The following KCNT2 variants were observed in gnomAD, a reference collection of about 807,000 sequenced individuals.
KCNT2 encodes potassium sodium-activated channel subfamily T member 2.
A neutral mutation model predicts 153.8 loss-of-function variants in KCNT2; 67 were observed. That is an observed-to-expected ratio of 0.44 (90% CI 0.36 to 0.53). The LOEUF is 0.53. Ranked by LOEUF, KCNT2 falls within the 20% of genes least tolerant of loss-of-function variation. KCNT2 has a pLI of 0.00. For synonymous variants in KCNT2, 500 were observed against 458.8 expected, an observed-to-expected ratio of 1.09 and a Z score of -1.15; for missense variants, 975 against 1,354.8, an observed-to-expected ratio of 0.72 and a Z score of 4.40.
chr1:196,501,233 A>G lies in KCNT2; in HGVS notation c.96-8892T>C, dbSNP rs1308409493. On this transcript the variant is annotated intron_variant, in intron 1 of 27. Coordinates refer to ENST00000294725, the MANE Select transcript of KCNT2 (RefSeq NM_198503.5). The stretch of plus-strand genomic sequence containing the variant: ...CCCAAAGGGAAAGAAGTCATTTATT[A>G]TATCAAAAAGATACAAGTACTTGTA... Among the ~76,000 whole-genome samples, 5 of 152,312 alleles carry G rather than the reference A, an allele frequency of 3.3e-5. No homozygotes were observed. In the South Asian group the frequency reaches 8.3e-4, roughly 25 times the overall value.
chr1:196,539,274 T>C (rs1656018740), intron 1 of KCNT2, among the ~76,000 whole-genome samples: 1 of 152,156 alleles, frequency 6.6e-6, no homozygotes, highest in African/African-American at 2.4e-5. Flanking sequence ...ACTAATTCAA[T>C]AAATATTTGA....
At chr1:196,343,293 C>T (rs566338070) in intron 14 of KCNT2, among the ~76,000 whole-genome samples, 2 of 152,228 alleles carry the variant, frequency 1.3e-5, no homozygotes, top group South Asian at 4.1e-4. Flanking sequence ...AACTCAGTGG[C>T]TTTAGAAATA....
intron 14 of KCNT2, among the ~76,000 whole-genome samples, chr1:196,349,680 A>AT (rs1330095390): frequency 1.3e-5 from 2 of 151,106 alleles, no homozygotes; most frequent in East Asian, 1.9e-4. Flanking sequence ...TTTTTATTTT[A>AT]TTTTTTTATT....
At chr1:196,604,695 T>A (rs956191117) in intron 1 of KCNT2, among the ~76,000 whole-genome samples, 1 of 151,634 alleles carries the variant, frequency 6.6e-6, no homozygotes, top group African/African-American at 2.4e-5. Context: ...TACAAAGACA[T>A]ATCTATTCAT....
chr1:196,230,386 T>TA (rs1011760052), intron 27 of KCNT2, among the ~76,000 whole-genome samples: 3 of 151,684 alleles, frequency 2.0e-5, no homozygotes, highest in South Asian at 2.1e-4. Context: ...ACTTAACACT[T>TA]AAAAAAAAGA....
intron 21 of KCNT2, among the ~76,000 whole-genome samples, chr1:196,312,179 A>C (rs1190975386): frequency 1.3e-5 from 2 of 151,718 alleles, no homozygotes; most frequent in African/African-American, 4.8e-5. Context: ...AACAGGATCT[A>C]ACCCGAGGAA....
chr1:196,270,696 A>G (rs1657982879), intron 25 of KCNT2, among the ~76,000 whole-genome samples: 1 of 151,962 alleles, frequency 6.6e-6, no homozygotes, highest in Admixed American at 6.6e-5. Context: ...GTCTAAAGCA[A>G]TGGTTTCAAC....
chr1:196,383,448 TAA>T (rs1267557769), intron 13 of KCNT2, among the ~76,000 whole-genome samples: 1 of 152,174 alleles, frequency 6.6e-6, no homozygotes. Context: ...TGTAGCTTGA[TAA>T]AAGTCTGTGG....
intron 8 of KCNT2, among the ~76,000 whole-genome samples, chr1:196,458,993 C>A (rs543838580): frequency 6.6e-6 from 1 of 151,824 alleles, no homozygotes; most frequent in East Asian, 2.0e-4. Flanking sequence ...CAGTGAATAC[C>A]AATTAAATTG....
intron 22 of KCNT2, among the ~76,000 whole-genome samples, chr1:196,303,499 ACGT>A (rs1204727365): frequency 3.3e-5 from 5 of 152,160 alleles, no homozygotes; most frequent in African/African-American, 1.2e-4. Context: ...TGACCTTGCT[ACGT>A]CAACTGACTC....
intron 3 of KCNT2, among the ~76,000 whole-genome samples, chr1:196,482,854 T>C (rs987998674): frequency 2.0e-5 from 3 of 152,080 alleles, no homozygotes; most frequent in African/African-American, 7.2e-5. Context: ...TAACATACCA[T>C]GGAAAACAGT....
chr1:196,463,313 T>C (rs148749250), intron 8 of KCNT2, among the ~76,000 whole-genome samples: 1 of 151,950 alleles, frequency 6.6e-6, no homozygotes, highest in Non-Finnish European at 1.5e-5. Flanking sequence ...CCTTTGATGT[T>C]GAACTTGAAT....
At chr1:196,539,625 T>C (rs1033620934) in intron 1 of KCNT2, among the ~76,000 whole-genome samples, 2 of 152,088 alleles carry the variant, frequency 1.3e-5, no homozygotes, top group Non-Finnish European at 2.9e-5. Context: ...AAAAGTGGCA[T>C]TTCCCTCACT....
Position 196,334,012 on chromosome 1 carries a change from C to A in KCNT2, c.1832G>T (p.Gly611Val). 6.2e-7 allele frequency: 1 copy of A among 1,613,386 alleles called. No individual in the cohort carries two copies. The highest frequency in any genetic ancestry group is 8.5e-7 in the Non-Finnish European group (1 of 1,179,696). The change falls in exon 17 of 28, where the codon GGC (glycine) becomes GTC (valine). Residue 611 changes from glycine (G) to valine (V), a missense_variant. Physicochemically the swap from Gly to Val is moderately radical, Grantham distance 109 (BLOSUM62 -3). This residue lies in a region of KCNT2 where 325 missense variants were observed against 388.1 expected (regional missense o/e 0.84). Coordinates refer to ENST00000294725, the MANE Select transcript of KCNT2 (RefSeq NM_198503.5). ...CTCTGTAGGAAGAGACAGGGTAGGG[C>A]CACTTGCTGATCTACAGCTTGTATC... Reference protein sequence around the residue: ...LQDTSCRSASGPTLSLPTEGS... With the variant: ...LQDTSCRSASVPTLSLPTEGS...
At chr1:196,275,188 A>G (rs1356178683) in intron 25 of KCNT2, among the ~76,000 whole-genome samples, 2 of 151,846 alleles carry the variant, frequency 1.3e-5, no homozygotes, top group Non-Finnish European at 2.9e-5. Flanking sequence ...CTTTTTGTCC[A>G]CTAAGAGTAA....
intron 13 of KCNT2, among the ~76,000 whole-genome samples, chr1:196,390,101 AT>A (rs375551304): frequency 0.02 from 3,045 of 149,612 alleles, 92 homozygotes; most frequent in African/African-American, 0.07. Context: ...CTCCTCTAGA[AT>A]TTTTTTTTTC....
At chr1:196,292,238 A>T (rs1236622197) in intron 22 of KCNT2, among the ~76,000 whole-genome samples, 2 of 152,228 alleles carry the variant, frequency 1.3e-5, no homozygotes, top group African/African-American at 2.4e-5. Flanking sequence ...TTGCAAGGTC[A>T]TGTATAAAAA....
chr1:196,400,829 G>A (rs1332708400), intron 12 of KCNT2, among the ~76,000 whole-genome samples: 2 of 151,660 alleles, frequency 1.3e-5, no homozygotes, highest in South Asian at 2.1e-4. Flanking sequence ...CCTAGTAAAC[G>A]AACTAAAGTA....
At chr1:196,328,349 T>C (rs1664093159) in intron 18 of KCNT2, among the ~76,000 whole-genome samples, 1 of 151,700 alleles carries the variant, frequency 6.6e-6, no homozygotes, top group African/African-American at 2.4e-5. Context: ...AAACAGAACC[T>C]AGGGTGAAAA....
Sources: gnomAD v4.1 joint callset for allele counts (sites outside exome capture counted in the v4.1 genomes callset) on GRCh38, gnomAD v4.1.1 for gene constraint, gnomAD v4.1.1 regional missense constraint, MANE v1.5 for transcripts, NCBI Gene and HGNC (gene_info 2026-07-23, HGNC 2026-07-21) for gene names.